GABRG3: variants seen among roughly 807,000 people sequenced by gnomAD.
The protein encoded by GABRG3 is gamma-aminobutyric acid receptor subunit gamma-3.
In GABRG3, 25 loss-of-function variants were observed where a neutral mutation model predicts 48.8. The ratio of observed to expected loss-of-function variants is 0.51; its 90% CI spans 0.37 to 0.72. GABRG3 has a LOEUF of 0.72. GABRG3 is among the 30% of genes least tolerant of loss of function. The pLI, the probability that GABRG3 is intolerant of heterozygous loss-of-function variation, is 0.00. For synonymous variants in GABRG3, 227 were observed against 217.6 expected (o/e 1.04, Z -0.38); for missense variants, 394 against 577.9 (o/e 0.68, Z 3.26).
rs1406999096 is a variant in GABRG3 at position 27,179,173 on chromosome 15, T to C, written c.271-147636T>C. The stretch of plus-strand genomic sequence containing the variant: ...CAAGTCAGAAATTATGAAAATCCTC[T>C]TCAGAAATTCTAATCAATGCCTGTA... On this transcript the variant is annotated intron_variant, in intron 3 of 9. Transcript: ENST00000615808. The surrounding 1 kb of genome is among the most constrained non-coding windows in gnomAD (Gnocchi z 4.0). Among the ~76,000 whole-genome samples the C allele has an allele frequency of 2.0e-5, 3 of 152,174 alleles. No individual in the cohort carries two copies. The highest frequency in any genetic ancestry group is 6.5e-5 in the Admixed American group (1 of 15,282).
intron 3 of GABRG3, among the ~76,000 whole-genome samples, chr15:27,246,024 G>T (rs191851795): frequency 2.6e-5 from 4 of 152,260 alleles, no homozygotes; most frequent in Admixed American, 1.3e-4. Flanking sequence ...GGGAGCAAGA[G>T]AGACGCCATG....
intron 5 of GABRG3, among the ~76,000 whole-genome samples, chr15:27,383,216 C>T (rs1421081130): frequency 6.6e-6 from 1 of 152,192 alleles, no homozygotes; most frequent in Non-Finnish European, 1.5e-5. Flanking sequence ...TAACTGTCTT[C>T]ATCTGAGGAT....
chr15:27,469,621 G>A (rs1337748720), intron 5 of GABRG3, among the ~76,000 whole-genome samples: 3 of 152,258 alleles, frequency 2.0e-5, no homozygotes, highest in South Asian at 4.1e-4. Context: ...GATCACAGAC[G>A]TGAGCCACCG....
chr15:27,009,180 T>C (rs1033685400), intron 2 of GABRG3, among the ~76,000 whole-genome samples: 2 of 152,134 alleles, frequency 1.3e-5, no homozygotes, highest in African/African-American at 4.8e-5. Context: ...CGGGCTCCTC[T>C]AGGTTGACAT....
intron 6 of GABRG3, among the ~76,000 whole-genome samples, chr15:27,492,687 T>C (rs1389643875): frequency 6.6e-6 from 1 of 151,146 alleles, no homozygotes; most frequent in Non-Finnish European, 1.5e-5. Flanking sequence ...AGAACATCTA[T>C]TTGTTCAAGA....
intron 3 of GABRG3, among the ~76,000 whole-genome samples, chr15:27,030,182 G>A (rs1363713403): frequency 1.3e-5 from 2 of 152,156 alleles, no homozygotes; most frequent in Non-Finnish European, 2.9e-5. Context: ...AATTTGTATT[G>A]GGGGTTTGAC....
At chr15:27,067,905 G>A (rs938415444) in intron 3 of GABRG3, among the ~76,000 whole-genome samples, 13 of 152,210 alleles carry the variant, frequency 8.5e-5, no homozygotes, top group African/African-American at 2.9e-4. Context: ...GAAGAGGGAA[G>A]CTGCATCATA....
chr15:27,093,007 G>A (rs748532892), intron 3 of GABRG3, among the ~76,000 whole-genome samples: 2 of 151,938 alleles, frequency 1.3e-5, no homozygotes, highest in Non-Finnish European at 2.9e-5. Flanking sequence ...TGTTTTCCTG[G>A]CACACATCCC....
intron 5 of GABRG3, among the ~76,000 whole-genome samples, chr15:27,437,598 A>G (rs906283056): frequency 6.6e-6 from 1 of 152,216 alleles, no homozygotes; most frequent in African/African-American, 2.4e-5. Context: ...CTAGACATGC[A>G]TTGGAGAAAA....
At chr15:27,016,955 T>C (rs1895789829) in intron 2 of GABRG3, among the ~76,000 whole-genome samples, 1 of 152,196 alleles carries the variant, frequency 6.6e-6, no homozygotes, top group African/African-American at 2.4e-5. Context: ...TTCTTCTTAG[T>C]TTCTGTCTCT....
rs191996591 is a variant in GABRG3, at chr15:27,430,006, G to A, written c.575-50644G>A. On this transcript the variant is annotated intron_variant, in intron 5 of 9. Coordinates refer to ENST00000615808, the MANE Select transcript of GABRG3 (RefSeq NM_033223.5). ...AAATTACCAGTGGCTTCACCATTTT[G>A]CAAGGCCATGAGCAGTGTAAGGGGG... Among the ~76,000 whole-genome samples the A allele has an allele frequency of 7.2e-5, 11 of 152,318 alleles. No homozygotes were observed. The East Asian group carries it at 2.1e-3, about 29-fold the overall frequency.
At chr15:27,017,289 G>A (rs1481094361) in intron 2 of GABRG3, among the ~76,000 whole-genome samples, 1 of 152,088 alleles carries the variant, frequency 6.6e-6, no homozygotes, top group African/African-American at 2.4e-5. Flanking sequence ...AAGTAATTTC[G>A]AAGAACCGCA....
chr15:27,202,282 C>T (rs533645471), intron 3 of GABRG3, among the ~76,000 whole-genome samples: 2 of 151,858 alleles, frequency 1.3e-5, no homozygotes, highest in South Asian at 4.2e-4. Context: ...TTTTCTGTTT[C>T]ACTTAACAAT....
intron 6 of GABRG3, among the ~76,000 whole-genome samples, chr15:27,491,812 A>G (rs1890362209): frequency 1.3e-5 from 2 of 152,250 alleles, no homozygotes; most frequent in Non-Finnish European, 2.9e-5. Context: ...AATTACGAGG[A>G]CATTGAAAGT....
At chr15:27,495,470 T>G (rs568916432) in intron 6 of GABRG3, among the ~76,000 whole-genome samples, 1 of 152,336 alleles carries the variant, frequency 6.6e-6, no homozygotes, top group East Asian at 1.9e-4. Flanking sequence ...ATTTGAGTTC[T>G]CTTGGATACA....
At chr15:27,343,991 C>A (rs866255028) in intron 5 of GABRG3, among the ~76,000 whole-genome samples, 28 of 152,220 alleles carry the variant, frequency 1.8e-4, no homozygotes, top group African/African-American at 6.5e-4. Context: ...ATTTTCACCC[C>A]TTGTGTTGCA....
intron 5 of GABRG3, among the ~76,000 whole-genome samples, chr15:27,450,072 T>G (rs1454048607): frequency 1.3e-5 from 2 of 152,150 alleles, no homozygotes; most frequent in African/African-American, 4.8e-5. Context: ...AAATGGAGAT[T>G]CCAGAGAAAC....
chr15:26,998,201 T>C (rs1895375650), intron 2 of GABRG3, among the ~76,000 whole-genome samples: 1 of 152,222 alleles, frequency 6.6e-6, no homozygotes, highest in Non-Finnish European at 1.5e-5. Context: ...TACTGCTTTG[T>C]TTTTTGTTAC....
intron 5 of GABRG3, among the ~76,000 whole-genome samples, chr15:27,411,037 C>G (rs1448852133): frequency 6.6e-6 from 1 of 152,122 alleles, no homozygotes; most frequent in Admixed American, 6.6e-5. Context: ...CAGCCCTGCA[C>G]ATGAGTATGC....
Sources: allele counts gnomAD v4.1 joint callset (sites outside exome capture counted in the v4.1 genomes callset), GRCh38; gene constraint gnomAD v4.1.1; non-coding constraint Gnocchi (gnomAD v3.1); transcripts MANE v1.5; gene names NCBI Gene and HGNC (gene_info 2026-07-23, HGNC 2026-07-21).